CTNNA3: variants seen among roughly 807,000 people sequenced by gnomAD.
CTNNA3 encodes the protein catenin alpha 3.
CTNNA3 carries 76 observed loss-of-function variants against 95.7 expected under a neutral mutation model. The observed-to-expected ratio is 0.79, with a 90% confidence interval of 0.66 to 0.96. The LOEUF (loss-of-function observed/expected upper bound fraction) is 0.96, where lower values mean the gene tolerates loss of function less well. CTNNA3 is among the 40% of genes least tolerant of loss of function. The pLI is 0.00. For missense variants in CTNNA3, 1,191 were observed against 1,089.8 expected, an observed-to-expected ratio of 1.09 and a Z score of -1.31; for synonymous variants, 431 against 374.4, an observed-to-expected ratio of 1.15 and a Z score of -1.74.
chr10:67,441,367 G>A (rs1166173537), intron 5 of CTNNA3, among the ~76,000 whole-genome samples: 1 of 151,670 alleles, frequency 6.6e-6, no homozygotes, highest in Non-Finnish European at 1.5e-5. Flanking sequence ...AGAGGAGGTA[G>A]AAAAAGAGAT....
At chr10:66,640,212 A>G (rs1167402656) in intron 9 of CTNNA3, among the ~76,000 whole-genome samples, 5 of 152,054 alleles carry the variant, frequency 3.3e-5, no homozygotes, top group Non-Finnish European at 7.4e-5. Context: ...AGCTCTGGCC[A>G]TATCTCCTCT....
intron 9 of CTNNA3, among the ~76,000 whole-genome samples, chr10:66,651,531 G>C (rs1163070156): frequency 6.6e-6 from 1 of 152,078 alleles, no homozygotes; most frequent in East Asian, 1.9e-4. Context: ...CCATCGGGGA[G>C]GCTCGGGCCT....
intron 15 of CTNNA3, among the ~76,000 whole-genome samples, chr10:66,052,719 G>A (rs1433536014): frequency 6.6e-6 from 1 of 152,024 alleles, no homozygotes; most frequent in African/African-American, 2.4e-5. Flanking sequence ...ATTGAGGCAG[G>A]GTTGAGATTT....
intron 6 of CTNNA3, among the ~76,000 whole-genome samples, chr10:67,198,298 T>C (rs750704554): frequency 1.3e-4 from 20 of 152,164 alleles, no homozygotes; most frequent in Non-Finnish European, 2.6e-4. Context: ...AGCAAGTGGG[T>C]ATCTTTGGAG....
At position 66,742,080 on chromosome 10, in the gene CTNNA3, G is replaced by A. The variant is rs533029938; in HGVS notation, c.1281+24184C>T. Among the ~76,000 whole-genome samples the A allele has an allele frequency of 1.1e-4, 16 of 152,270 alleles. No homozygotes were observed. In the South Asian group the frequency reaches 2.1e-3, roughly 20 times the overall value. ...CAAACTCTGACTGCCGGTGAGCCAG[G>A]CGGAACAGAGGCATATTTCTCCTCT... On this transcript the variant is annotated intron_variant, in intron 9 of 17. Coordinates refer to ENST00000433211, the MANE Select transcript of CTNNA3 (RefSeq NM_013266.4).
intron 6 of CTNNA3, among the ~76,000 whole-genome samples, chr10:67,213,594 T>G (rs890350195): frequency 6.6e-6 from 1 of 151,866 alleles, no homozygotes; most frequent in South Asian, 2.1e-4. Context: ...TTTCCTTCTA[T>G]GTACTCCCTT....
chr10:67,472,742 T>A (rs1847875602), intron 5 of CTNNA3, among the ~76,000 whole-genome samples: 1 of 152,186 alleles, frequency 6.6e-6, no homozygotes, highest in Non-Finnish European at 1.5e-5. Context: ...CTTCCTTTTG[T>A]TCCTTTGTTC....
At position 67,132,134 on chromosome 10, in the gene CTNNA3, C is replaced by T. The variant is rs78164028; in HGVS notation, c.1047+48183G>A. Among the ~76,000 whole-genome samples, 1,525 of 152,096 alleles carry T rather than the reference C, an allele frequency of 0.01. 74 individuals carry two copies. The East Asian group carries it at 0.14, about 14-fold the overall frequency. On this transcript the variant is annotated intron_variant, in intron 7 of 17. Coordinates refer to ENST00000433211, the MANE Select transcript of CTNNA3 (RefSeq NM_013266.4). ...AAATTAAGACAATAGGTCTGATAGG[C>T]CAATAGGATACAGCATTTGAAGAAA... is the stretch of plus-strand genomic sequence containing the variant.
At chr10:66,273,224 A>G (rs1288023730) in intron 13 of CTNNA3, among the ~76,000 whole-genome samples, 1 of 152,092 alleles carries the variant, frequency 6.6e-6, no homozygotes, top group Non-Finnish European at 1.5e-5. Flanking sequence ...CATGAAGTAA[A>G]ATAAGGGTTA....
chr10:66,287,522 G>GC (rs1018449226), intron 12 of CTNNA3, among the ~76,000 whole-genome samples: 8 of 151,942 alleles, frequency 5.3e-5, no homozygotes, highest in African/African-American at 1.9e-4. Context: ...TTGGATGTAA[G>GC]AATAACCACC....
intron 2 of CTNNA3, among the ~76,000 whole-genome samples, chr10:67,623,701 A>T (rs1843927818): frequency 6.6e-6 from 1 of 152,086 alleles, no homozygotes; most frequent in African/African-American, 2.4e-5. Context: ...CAGAATTGGG[A>T]AGAGAGGCAT....
chr10:66,719,238 T>C (rs762892405), intron 9 of CTNNA3, among the ~76,000 whole-genome samples: 1 of 152,196 alleles, frequency 6.6e-6, no homozygotes, highest in Non-Finnish European at 1.5e-5. Flanking sequence ...GATTATAAAA[T>C]CTATGTCTTA....
intron 7 of CTNNA3, among the ~76,000 whole-genome samples, chr10:66,802,670 T>G (rs2132237643): frequency 6.6e-6 from 1 of 151,596 alleles, no homozygotes; most frequent in South Asian, 2.1e-4. Flanking sequence ...TCAAAAAGAA[T>G]TGTACAAAAA....
intron 9 of CTNNA3, among the ~76,000 whole-genome samples, chr10:66,659,045 C>T (rs570680538): frequency 7.0e-4 from 107 of 152,204 alleles, no homozygotes; most frequent in African/African-American, 2.4e-3. Context: ...CATGTATTCA[C>T]TGAATGAATA....
chr10:66,603,716 T>C (rs188882994), intron 10 of CTNNA3, among the ~76,000 whole-genome samples: 154 of 152,210 alleles, frequency 1.0e-3, no homozygotes, highest in Non-Finnish European at 1.9e-3. Flanking sequence ...AGTATGGTAC[T>C]AGCATGAAAA....
chr10:66,125,195 TA>T (rs2082763983), intron 13 of CTNNA3, among the ~76,000 whole-genome samples: 1 of 152,106 alleles, frequency 6.6e-6, no homozygotes, highest in Non-Finnish European at 1.5e-5. Context: ...TAAATGAAGG[TA>T]AAATTAAATC....
rs115389974 is a variant in CTNNA3, at chr10:66,517,490, C to T, written c.1531+3127G>A. 9.9e-3 allele frequency among the ~76,000 whole-genome samples: 1,505 copies of T among 152,148 alleles called. 26 individuals are homozygous for T. The highest frequency in any genetic ancestry group is 0.034 in the African/African-American group (1,427 of 41,494). On this transcript the variant is annotated intron_variant, in intron 11 of 17. Coordinates refer to ENST00000433211, the MANE Select transcript of CTNNA3 (RefSeq NM_013266.4). ...GATGGCCACAAGAGTGACCTCTGCT[C>T]ATCCTCACTACTACACTGCCATCAG...
At chr10:66,651,798 T>C (rs1035945900) in intron 9 of CTNNA3, among the ~76,000 whole-genome samples, 1 of 27,234 alleles carries the variant, frequency 3.7e-5, no homozygotes, top group South Asian at 1.3e-3. Flanking sequence ...AGAACCCGCA[T>C]TGGCCGGTTC....
At chr10:66,455,369 A>G (rs769706280) in intron 11 of CTNNA3, among the ~76,000 whole-genome samples, 3 of 152,178 alleles carry the variant, frequency 2.0e-5, no homozygotes, top group Non-Finnish European at 2.9e-5. Flanking sequence ...CAAGAAATCC[A>G]CAAAAGACTC....
Sources: allele counts gnomAD v4.1 joint callset (sites outside exome capture counted in the v4.1 genomes callset), GRCh38; gene constraint gnomAD v4.1.1; transcripts MANE v1.5; gene names NCBI Gene and HGNC (gene_info 2026-07-23, HGNC 2026-07-21).